THRB: variants seen among roughly 807,000 people sequenced by gnomAD.
THRB encodes nuclear receptor subfamily 1 group A member 2.
In THRB, 12 loss-of-function variants were observed where a neutral mutation model predicts 47.8. The observed-to-expected ratio is 0.25, with a 90% CI of 0.16 to 0.41. The LOEUF is 0.41. Among genes scored for constraint, THRB ranks in the 10% least tolerant of loss-of-function variants. The pLI is 1.00. For synonymous variants in THRB, 218 were observed against 212.2 expected, an observed-to-expected ratio of 1.03 and a Z score of -0.24; for missense variants, 348 against 589.2, an observed-to-expected ratio of 0.59 and a Z score of 4.24.
intron 2 of THRB, among the ~76,000 whole-genome samples, chr3:24,330,141 T>C (rs1694744385): frequency 6.7e-6 from 1 of 148,704 alleles, no homozygotes; most frequent in African/African-American, 2.5e-5. Context: ...CCGTCTCTAC[T>C]AAAAATACAA....
chr3:24,413,779 G>A (rs933008337), intron 1 of THRB, among the ~76,000 whole-genome samples: 5 of 151,388 alleles, frequency 3.3e-5, no homozygotes, highest in South Asian at 2.1e-4. Flanking sequence ...AAGTGTTCTC[G>A]TTGTTCAATT....
chr3:24,416,398 A>C (rs570324750), intron 1 of THRB, among the ~76,000 whole-genome samples: 1 of 151,966 alleles, frequency 6.6e-6, no homozygotes, highest in South Asian at 2.1e-4. Flanking sequence ...GTGACTCCTA[A>C]ACTTCACTGG....
chr3:24,481,373 C>T (rs1261396520), intron 1 of THRB, among the ~76,000 whole-genome samples: 2 of 150,996 alleles, frequency 1.3e-5, no homozygotes, highest in African/African-American at 4.9e-5. Context: ...CACGCGGTTG[C>T]TCATTTTAAA....
chr3:24,202,569 G>C (rs1160137286), intron 4 of THRB, among the ~76,000 whole-genome samples: 1 of 152,156 alleles, frequency 6.6e-6, no homozygotes, highest in African/African-American at 2.4e-5. Flanking sequence ...AGGTCATGAA[G>C]AATCAATTTG....
intron 3 of THRB, among the ~76,000 whole-genome samples, chr3:24,233,799 C>G (rs907014840): frequency 6.6e-6 from 1 of 152,148 alleles, no homozygotes; most frequent in Non-Finnish European, 1.5e-5. Context: ...AAAGCTGTCA[C>G]GTGGAACAGA....
intron 5 of THRB, among the ~76,000 whole-genome samples, chr3:24,154,481 GA>G (rs1283157439): frequency 1.3e-5 from 2 of 152,190 alleles, no homozygotes; most frequent in Non-Finnish European, 2.9e-5. Context: ...ATGAGAAAAA[GA>G]GAGGTGAAAA....
At chr3:24,183,407 C>T (rs531450767) in intron 5 of THRB, among the ~76,000 whole-genome samples, 105 of 143,836 alleles carry the variant, frequency 7.3e-4, no homozygotes, top group African/African-American at 2.5e-3. Context: ...CACTCTGTCG[C>T]CCAGGCTGGA....
intron 3 of THRB, among the ~76,000 whole-genome samples, chr3:24,287,376 G>A (rs1442675935): frequency 6.6e-6 from 1 of 152,158 alleles, no homozygotes; most frequent in Non-Finnish European, 1.5e-5. Flanking sequence ...GTTTGTCACA[G>A]TATTTTTATG....
intron 4 of THRB, among the ~76,000 whole-genome samples, chr3:24,225,565 T>G (rs2047575063): frequency 6.6e-6 from 1 of 152,250 alleles, no homozygotes; most frequent in African/African-American, 2.4e-5. Context: ...ATAATGGGTC[T>G]TTGTTTTTGC....
At chr3:24,417,125 CACACACACACACA>C (rs2068810999) in intron 1 of THRB, among the ~76,000 whole-genome samples, 2 of 151,338 alleles carry the variant, frequency 1.3e-5, no homozygotes, top group South Asian at 2.1e-4. Flanking sequence ...CACACACACA[CACACACACACACA>C]CGCGCAACGC....
At chr3:24,463,945 C>T (rs553347354) in intron 1 of THRB, among the ~76,000 whole-genome samples, 2 of 152,274 alleles carry the variant, frequency 1.3e-5, no homozygotes, top group Non-Finnish European at 2.9e-5. Flanking sequence ...GCAGTAAGAA[C>T]ACTCTTAAGA....
chr3:24,392,081 C>A (rs1358507286), intron 1 of THRB, among the ~76,000 whole-genome samples: 1 of 152,086 alleles, frequency 6.6e-6, no homozygotes, highest in African/African-American at 2.4e-5. Flanking sequence ...TTATGTGCAT[C>A]TTTTTATTGA....
At chr3:24,146,935 T>C (rs2036174570) in intron 6 of THRB, 113 bp from the exon 7 acceptor site, 2 of 881,324 alleles carry the variant, frequency 2.3e-6, no homozygotes, top group South Asian at 1.4e-5. Context: ...CCTTAACCTG[T>C]TTCTAGGCCT....
At chr3:24,279,879 T>C (rs1386317570) in intron 3 of THRB, among the ~76,000 whole-genome samples, 2 of 152,306 alleles carry the variant, frequency 1.3e-5, no homozygotes, top group Middle Eastern at 3.4e-3. Context: ...CCATGGACCA[T>C]GGTCCCCAAA....
chr3:24,135,591 C>T (rs938379663), intron 8 of THRB, among the ~76,000 whole-genome samples: 7 of 151,942 alleles, frequency 4.6e-5, no homozygotes, highest in African/African-American at 1.5e-4. Flanking sequence ...TGTACAGCCT[C>T]CTTCTACTTC....
At chr3:24,297,426 G>A (rs1242891055) in intron 2 of THRB, 55 bp from the exon 3 acceptor site, 1 of 152,214 alleles carries the variant, frequency 6.6e-6, no homozygotes, top group African/African-American at 2.4e-5. Flanking sequence ...GTAGCACTTA[G>A]TTGCTTTTAC....
intron 1 of THRB, among the ~76,000 whole-genome samples, chr3:24,437,724 A>T (rs1053226288): frequency 2.0e-5 from 3 of 152,062 alleles, no homozygotes; most frequent in Non-Finnish European, 4.4e-5. Context: ...GATTTATTCA[A>T]GGATCCTCCT....
At chr3:24,183,371 T>TTC (rs1280239645) in intron 5 of THRB, among the ~76,000 whole-genome samples, 7 of 134,256 alleles carry the variant, frequency 5.2e-5, no homozygotes, top group African/African-American at 1.9e-4. Context: ...TTCTTTTCTT[T>TTC]TTTTTTTTTT....
chr3:24,205,863 A>G (rs897671502), intron 4 of THRB, among the ~76,000 whole-genome samples: 1 of 152,232 alleles, frequency 6.6e-6, no homozygotes, highest in African/African-American at 2.4e-5. Flanking sequence ...AGTCTCCAAT[A>G]AAACAGACTT....
Sources: allele counts gnomAD v4.1 joint callset (sites outside exome capture counted in the v4.1 genomes callset), GRCh38; gene constraint gnomAD v4.1.1; transcripts MANE v1.5; gene names NCBI Gene and HGNC (gene_info 2026-07-23, HGNC 2026-07-21).